The following GPC5 variants were observed in gnomAD, a reference collection of about 807,000 sequenced individuals.
GPC5 encodes the protein glypican-5.
A neutral mutation model predicts 53.9 loss-of-function variants in GPC5; 47 were observed. The ratio of observed to expected loss-of-function variants is 0.87; its 90% CI spans 0.69 to 1.11. The LOEUF (loss-of-function observed/expected upper bound fraction) is 1.11, where lower values mean the gene tolerates loss of function less well. Ranked by LOEUF, GPC5 falls within the 50% of genes most tolerant of loss-of-function variation. The pLI is 0.00. For missense variants in GPC5, 748 were observed against 713.1 expected, an observed-to-expected ratio of 1.05 and a Z score of -0.56; for synonymous variants, 286 against 263.3, an observed-to-expected ratio of 1.09 and a Z score of -0.84.
intron 7 of GPC5, among the ~76,000 whole-genome samples, chr13:92,336,072 C>T (rs947543782): frequency 6.6e-6 from 1 of 152,104 alleles, no homozygotes; most frequent in Non-Finnish European, 1.5e-5. Context: ...CTCATACACA[C>T]TGAAAAATGT....
In GPC5 at chr13:92,770,925, T is replaced by C. The variant is rs552236198; in HGVS notation, c.1562-95357T>C. On this transcript the variant is annotated intron_variant, in intron 7 of 7. Transcript: ENST00000377067. ...CCTCTGCTGATATTCATGGGGAAGA[T>C]ACTCCTCATTATTTATGGTAGAAGT... 2.6e-5 allele frequency among the ~76,000 whole-genome samples: 4 copies of C among 152,292 alleles called. No homozygotes were observed. The East Asian group carries it at 7.7e-4, about 29-fold the overall frequency.
At chr13:92,182,037 C>A (rs918120001) in intron 7 of GPC5, among the ~76,000 whole-genome samples, 1 of 152,136 alleles carries the variant, frequency 6.6e-6, no homozygotes, top group African/African-American at 2.4e-5. Context: ...GAAACTAGAA[C>A]TTTTCCTTCA....
At chr13:92,813,380 G>C (rs1166092207) in intron 7 of GPC5, among the ~76,000 whole-genome samples, 4 of 151,910 alleles carry the variant, frequency 2.6e-5, no homozygotes, top group Non-Finnish European at 5.9e-5. Context: ...TAAAAACGTA[G>C]TTCTTACTTG....
intron 7 of GPC5, among the ~76,000 whole-genome samples, chr13:92,264,704 T>C (rs2042789675): frequency 6.6e-6 from 1 of 152,088 alleles, no homozygotes; most frequent in Non-Finnish European, 1.5e-5. Flanking sequence ...TACTGAGAAG[T>C]ATATAGGATA....
At chr13:92,240,028 GC>G (rs1412135767) in intron 7 of GPC5, 2 of 151,746 alleles carry the variant, frequency 1.3e-5, no homozygotes, top group African/African-American at 4.8e-5. Context: ...ATTCCTTCTA[GC>G]TTTTTTATAT....
intron 6 of GPC5, among the ~76,000 whole-genome samples, chr13:92,002,272 C>CA (rs1281788724): frequency 1.3e-5 from 2 of 152,164 alleles, no homozygotes; most frequent in Non-Finnish European, 2.9e-5. Flanking sequence ...AATTGTATTA[C>CA]AAAAAGCGTA....
intron 2 of GPC5, among the ~76,000 whole-genome samples, chr13:91,498,943 C>A (rs1884464594): frequency 1.3e-5 from 2 of 150,740 alleles, no homozygotes; most frequent in African/African-American, 4.9e-5. Flanking sequence ...TGCACTCCAG[C>A]CTGGGGAACA....
At chr13:92,572,817 T>C (rs1883072518) in intron 7 of GPC5, among the ~76,000 whole-genome samples, 2 of 152,126 alleles carry the variant, frequency 1.3e-5, no homozygotes, top group Non-Finnish European at 2.9e-5. Flanking sequence ...CAGGAAAAAC[T>C]CAACCATTTT....
chr13:91,873,006 C>T (rs1300356394), intron 5 of GPC5, among the ~76,000 whole-genome samples: 1 of 152,096 alleles, frequency 6.6e-6, no homozygotes, highest in Admixed American at 6.5e-5. Flanking sequence ...TGTAGTTTAT[C>T]TTTCTTACAC....
intron 7 of GPC5, chr13:92,340,001 A>G (rs994187345): frequency 6.7e-6 from 1 of 149,780 alleles, no homozygotes; most frequent in African/African-American, 2.5e-5. Context: ...TGAACAAAAA[A>G]AACATATATA....
intron 5 of GPC5, among the ~76,000 whole-genome samples, chr13:91,811,336 A>C (rs1021527889): frequency 6.6e-6 from 1 of 152,098 alleles, no homozygotes; most frequent in Admixed American, 6.5e-5. Context: ...AGTGTTACTT[A>C]TCTGTAAGGT....
At chr13:92,793,299 G>A (rs60654430) in intron 7 of GPC5, among the ~76,000 whole-genome samples, 8,549 of 152,132 alleles carry the variant, frequency 0.056, 561 homozygotes, top group East Asian at 0.34. Context: ...GGTACATAAC[G>A]AAATGAAGGC....
intron 3 of GPC5, among the ~76,000 whole-genome samples, chr13:91,704,475 G>A (rs1449728931): frequency 2.0e-5 from 3 of 152,134 alleles, no homozygotes; most frequent in Non-Finnish European, 4.4e-5. Context: ...TGGTCATGGG[G>A]CCCCCAGGAT....
At chr13:91,671,939 C>T (rs1463146591) in intron 2 of GPC5, among the ~76,000 whole-genome samples, 1 of 152,024 alleles carries the variant, frequency 6.6e-6, no homozygotes, top group South Asian at 2.1e-4. Context: ...GATAACACCT[C>T]ACATCTACAA....
At chr13:91,710,408 T>C (rs2036199857) in intron 3 of GPC5, among the ~76,000 whole-genome samples, 2 of 152,246 alleles carry the variant, frequency 1.3e-5, no homozygotes. Flanking sequence ...TGCAGATAAA[T>C]ACTCTGATAT....
chr13:91,659,217 A>G (rs1296925600), intron 2 of GPC5, among the ~76,000 whole-genome samples: 5 of 152,226 alleles, frequency 3.3e-5, no homozygotes, highest in Non-Finnish European at 7.3e-5. Context: ...TTAAAAATAC[A>G]AATGCATAGA....
chr13:92,224,616 G>T (rs1324385579), intron 7 of GPC5, among the ~76,000 whole-genome samples: 2 of 152,172 alleles, frequency 1.3e-5, no homozygotes, highest in East Asian at 3.9e-4. Context: ...CTGAACATCT[G>T]CTTTTTTGTT....
intron 5 of GPC5, among the ~76,000 whole-genome samples, chr13:91,776,363 G>T (rs1369879968): frequency 6.6e-6 from 1 of 152,142 alleles, no homozygotes; most frequent in African/African-American, 2.4e-5. Context: ...ATGTGGCTTT[G>T]TTTGTTTATA....
chr13:92,327,277 T>A (rs1566540485), intron 7 of GPC5, among the ~76,000 whole-genome samples: 1 of 152,140 alleles, frequency 6.6e-6, no homozygotes, highest in East Asian at 1.9e-4. Flanking sequence ...CGCTATACTC[T>A]CAGAGCAGCC....
Sources: gnomAD v4.1 joint callset for allele counts (sites outside exome capture counted in the v4.1 genomes callset) on GRCh38, gnomAD v4.1.1 for gene constraint, MANE v1.5 for transcripts, NCBI Gene and HGNC (gene_info 2026-07-23, HGNC 2026-07-21) for gene names.